The following AGBL1 variants were observed in gnomAD, a reference collection of about 807,000 sequenced individuals.
AGBL1 encodes the protein AGBL carboxypeptidase 1.
AGBL1 carries 130 observed loss-of-function variants against 118.9 expected under a neutral mutation model. The observed-to-expected ratio is 1.09, with a 90% CI of 0.95 to 1.26. The LOEUF is 1.26. Ranked by LOEUF, AGBL1 falls within the 50% of genes most tolerant of loss-of-function variation. AGBL1 has a pLI of 0.00. For missense variants in AGBL1, 1,584 were observed against 1,298.1 expected (o/e 1.22, Z -3.38); for synonymous variants, 555 against 478.9 (o/e 1.16, Z -2.08).
intron 18 of AGBL1, among the ~76,000 whole-genome samples, chr15:86,407,022 C>G (rs1317291017): frequency 6.6e-6 from 1 of 152,130 alleles, no homozygotes; most frequent in Admixed American, 6.6e-5. Flanking sequence ...CCAGATTACC[C>G]TCCTTAGAAA....
At chr15:86,841,265 T>G (rs1567201660) in intron 22 of AGBL1, among the ~76,000 whole-genome samples, 1 of 152,150 alleles carries the variant, frequency 6.6e-6, no homozygotes, top group Non-Finnish European at 1.5e-5. Flanking sequence ...CATTTTGAAT[T>G]GACTGGATCT....
intron 23 of AGBL1, among the ~76,000 whole-genome samples, chr15:86,977,580 G>GCATTA (rs1183233484): frequency 6.6e-5 from 10 of 151,626 alleles, no homozygotes; most frequent in African/African-American, 1.7e-4. Flanking sequence ...TTATTCCTAA[G>GCATTA]CATTACATTT....
chr15:86,136,079 C>A (rs1355660005), intron 1 of AGBL1, among the ~76,000 whole-genome samples: 1 of 152,164 alleles, frequency 6.6e-6, no homozygotes, highest in Admixed American at 6.5e-5. Context: ...TCAACATAGA[C>A]CCTCCAGTCT....
Position 86,159,043 on chromosome 15 carries a change from A to G in AGBL1, c.488+17A>G, listed in dbSNP as rs767255493. The G allele has an allele frequency of 9.3e-6, 15 of 1,607,764 alleles. No individual in the cohort carries two copies. The Admixed American group carries it at 2.3e-4, about 25-fold the overall frequency. ...AGCAATCAGGTACAGAGTGCCATGT[A>G]ATACTTCTGCCCCTTTTGTAACAGA... On this transcript the variant is annotated intron_variant, in intron 5 of 22. Coordinates refer to ENST00000614907, the MANE Select transcript of AGBL1 (RefSeq NM_001386094.1).
chr15:86,362,569 C>A (rs1338415857), intron 17 of AGBL1, among the ~76,000 whole-genome samples: 1 of 152,130 alleles, frequency 6.6e-6, no homozygotes, highest in South Asian at 2.1e-4. Context: ...TTCCTGGATG[C>A]CTGGACAGAG....
Position 86,136,958 on chromosome 15 carries a change from T to G in AGBL1, c.52-5046T>G, listed in dbSNP as rs563886104. On this transcript the variant is annotated intron_variant, in intron 1 of 22. Coordinates refer to ENST00000614907, the MANE Select transcript of AGBL1 (RefSeq NM_001386094.1). ...TAGATACATTTTTTTATAGGATTTT[T>G]TTCAACAACAGGGGATTACTCAATG... Among the ~76,000 whole-genome samples, 15 of 152,318 alleles carry G rather than the reference T, an allele frequency of 9.8e-5. No individual in the cohort carries two copies. The East Asian group carries it at 2.9e-3, about 29-fold the overall frequency.
chr15:86,262,620 C>A, intron 9 of AGBL1, 158 bp from the exon 10 acceptor site: 1 of 691,384 alleles, frequency 1.4e-6, no homozygotes, highest in South Asian at 1.5e-5. Context: ...AAAATACAAT[C>A]CAGCATAACA....
intron 22 of AGBL1, among the ~76,000 whole-genome samples, 175 bp downstream of exon 22, chr15:86,674,611 G>T (rs1474465856): frequency 6.6e-6 from 1 of 152,130 alleles, no homozygotes; most frequent in Non-Finnish European, 1.5e-5. Context: ...AGAGGATGCT[G>T]CCTGTTTGTA....
rs982813090 is a variant in AGBL1, at chr15:86,913,713, A to G, written c.*6419A>G. ...ACCCTGAATCTACAAAAAATAAAGA[A>G]AAAAAATAGCCAGGCGTGATGGTGC... is the stretch of plus-strand genomic sequence containing the variant. On this transcript the variant is annotated 3_prime_UTR_variant, in exon 23 of 23. Coordinates refer to ENST00000614907, the MANE Select transcript of AGBL1 (RefSeq NM_001386094.1). The G allele has an allele frequency of 6.6e-6, 1 of 152,092 alleles. No homozygotes were observed. Among genetic ancestry groups the G allele is most frequent in the Non-Finnish European group, 1.5e-5 (1 of 68,044 alleles). 9.4% of individuals were successfully genotyped at this position (152,092 alleles called of 1,614,324 possible).
chr15:86,261,021 C>T (rs56941989), intron 9 of AGBL1, among the ~76,000 whole-genome samples: 1,874 of 152,300 alleles, frequency 0.012, 53 homozygotes, highest in African/African-American at 0.044. Flanking sequence ...TTTGCTGTTG[C>T]ACTGAGAAAA....
chr15:86,131,586 A>G (rs1225306715), intron 1 of AGBL1, among the ~76,000 whole-genome samples: 2 of 152,116 alleles, frequency 1.3e-5, no homozygotes, highest in Non-Finnish European at 2.9e-5. Flanking sequence ...AAATTTTAGG[A>G]TGAGAATTTT....
chr15:86,782,736 C>T (rs1208237011), intron 22 of AGBL1, among the ~76,000 whole-genome samples: 1 of 152,168 alleles, frequency 6.6e-6, no homozygotes. Flanking sequence ...GAAAAATCTA[C>T]ATATACTTAG....
chr15:86,902,218 C>T (rs984127021), intron 22 of AGBL1, among the ~76,000 whole-genome samples: 24 of 152,182 alleles, frequency 1.6e-4, no homozygotes, highest in African/African-American at 5.3e-4. Flanking sequence ...GCTGTACACT[C>T]ATACCAGGAA....
chr15:86,999,717 T>C (rs1378783995), intron 24 of AGBL1, among the ~76,000 whole-genome samples: 1 of 151,374 alleles, frequency 6.6e-6, no homozygotes. Flanking sequence ...AGCAGCATGA[T>C]TTATAGTCAT....
intron 22 of AGBL1, among the ~76,000 whole-genome samples, chr15:86,779,970 ATGTTT>A (rs1326495292): frequency 6.6e-6 from 1 of 151,860 alleles, no homozygotes. Flanking sequence ...CCTTGTCAGT[ATGTTT>A]TATTTCTGAG....
intron 23 of AGBL1, among the ~76,000 whole-genome samples, chr15:86,936,232 GTGTA>G (rs138401292): frequency 0.17 from 25,344 of 147,284 alleles, 2,249 homozygotes; most frequent in South Asian, 0.36. Context: ...AAACAGCAGT[GTGTA>G]TGTATGTGTG....
In AGBL1 at chr15:86,636,744, T is replaced by C. The variant is rs1295929520; in HGVS notation, c.2995-37529T>C. Among the ~76,000 whole-genome samples, 237 of 56,748 alleles carry C rather than the reference T, an allele frequency of 4.2e-3. 11 individuals carry two copies. The highest frequency in any genetic ancestry group is 0.012 in the South Asian group (16 of 1,348). 37.2% of individuals were successfully genotyped at this position (56,748 alleles called of 152,430 possible). A position where few individuals can be genotyped will look rare whatever the true frequency, so the allele number is the denominator to read the frequency against. On this transcript the variant is annotated intron_variant, in intron 21 of 22. Coordinates refer to ENST00000614907, the MANE Select transcript of AGBL1 (RefSeq NM_001386094.1). ...ATATATATATATATATATATATATATATATATATATATATACACATACATA... is the reference window on the plus strand; with the variant it reads ...ATATATATATATATATATATATATACATATATATATATATACACATACATA...
intron 22 of AGBL1, among the ~76,000 whole-genome samples, chr15:86,718,942 C>G (rs1285006624): frequency 6.6e-6 from 1 of 152,082 alleles, no homozygotes; most frequent in Non-Finnish European, 1.5e-5. Context: ...ATCCCTGCGT[C>G]TGGTACTGCT....
At chr15:86,977,083 C>G (rs1045038004) in intron 23 of AGBL1, among the ~76,000 whole-genome samples, 1 of 151,688 alleles carries the variant, frequency 6.6e-6, no homozygotes, top group South Asian at 2.1e-4. Context: ...ATTTTATGCT[C>G]TGTGTGTGTG....
Sources: allele counts gnomAD v4.1 joint callset (sites outside exome capture counted in the v4.1 genomes callset), GRCh38; gene constraint gnomAD v4.1.1; transcripts MANE v1.5; gene names NCBI Gene and HGNC (gene_info 2026-07-23, HGNC 2026-07-21).